SPTLC3: variants seen among roughly 807,000 people sequenced by gnomAD.
SPTLC3 encodes the protein serine palmitoyltransferase long chain base subunit 3.
Under a neutral mutation model 59.3 loss-of-function variants are expected in SPTLC3, and 36 were observed. The observed-to-expected ratio is 0.61, with a 90% CI of 0.47 to 0.80. The LOEUF is 0.80. Ranked by LOEUF, SPTLC3 falls within the 30% of genes least tolerant of loss-of-function variation. The probability of loss-of-function intolerance (pLI) is 0.00; values close to 1 mark genes in which losing one functional copy is unlikely to be tolerated. For synonymous variants in SPTLC3, 257 were observed against 240.8 expected (o/e 1.07, Z -0.62); for missense variants, 625 against 685.1 (o/e 0.91, Z 0.98).
At chr20:13,061,327 A>C (rs945148753) in intron 2 of SPTLC3, among the ~76,000 whole-genome samples, 1 of 152,170 alleles carries the variant, frequency 6.6e-6, no homozygotes. Context: ...AGCTTCTAAC[A>C]TTTGTTACTT....
chr20:13,163,183 CAT>C (rs1408746405), intron 11 of SPTLC3, among the ~76,000 whole-genome samples: 1 of 151,946 alleles, frequency 6.6e-6, no homozygotes, highest in Non-Finnish European at 1.5e-5. Context: ...GCCTGGCCAA[CAT>C]GGTGAAACCC....
At chr20:13,095,082 G>A (rs1296483781) in intron 6 of SPTLC3, among the ~76,000 whole-genome samples, 1 of 152,116 alleles carries the variant, frequency 6.6e-6, no homozygotes, top group Non-Finnish European at 1.5e-5. Flanking sequence ...GTCTTTCAAG[G>A]CTCCAAGTAA....
chr20:13,087,412 G>C (rs1989039415), intron 4 of SPTLC3, among the ~76,000 whole-genome samples: 1 of 152,220 alleles, frequency 6.6e-6, no homozygotes, highest in Admixed American at 6.5e-5. Context: ...AGTTGGCAAA[G>C]TGTGGGCACC....
At chr20:13,123,879 G>A (rs1205687757) in intron 8 of SPTLC3, among the ~76,000 whole-genome samples, 1 of 146,448 alleles carries the variant, frequency 6.8e-6, no homozygotes, top group African/African-American at 2.5e-5. Context: ...GGCTTCCCCA[G>A]CATCCTGTAG....
intron 3 of SPTLC3, chr20:13,073,828 G>A: frequency 1.7e-6 from 1 of 582,854 alleles, no homozygotes; most frequent in Middle Eastern, 3.6e-4. Flanking sequence ...AACTCAGTTT[G>A]GGGAAAGTTC....
intron 9 of SPTLC3, among the ~76,000 whole-genome samples, chr20:13,127,755 A>G (rs1467259115): frequency 6.6e-6 from 1 of 152,172 alleles, no homozygotes; most frequent in East Asian, 1.9e-4. Context: ...TTTTCACTAA[A>G]GCAGGGTAAA....
intron 6 of SPTLC3, among the ~76,000 whole-genome samples, chr20:13,098,025 G>A (rs1169249222): frequency 2.6e-5 from 4 of 152,248 alleles, no homozygotes; most frequent in Middle Eastern, 3.4e-3. Flanking sequence ...TAGTCCAGGG[G>A]TAGACAACTT....
At chr20:13,048,920 C>A in intron 1 of SPTLC3, 25 bp from the exon 2 acceptor site, 1 of 1,526,384 alleles carries the variant, frequency 6.6e-7, no homozygotes, top group Non-Finnish European at 8.8e-7. Flanking sequence ...GAATGCTAAC[C>A]TTGGATTTTC....
At position 13,160,095 on chromosome 20, in the gene SPTLC3, G is replaced by C; in HGVS notation, c.1508G>C (p.Cys503Ser). 1 of 1,613,874 alleles carries C rather than the reference G, an allele frequency of 6.2e-7. No homozygotes were observed. Among genetic ancestry groups the C allele is most frequent in the Non-Finnish European group, 8.5e-7 (1 of 1,179,932 alleles). ...TPLAEARARF[C>S]VSAAHTREML... ...CTCGCAGAAGCTCGGGCTCGGTTTT[G>C]TGTTTCAGCGGCACATACCCGGGAG... The change falls in exon 11 of 12, where the codon TGT becomes TCT. Residue 503 changes from cysteine (C) to serine (S), a missense_variant. Transcript: ENST00000399002.
rs541963261 is a variant in SPTLC3, at chr20:13,113,283, G to T, written c.932+3066G>T. Reference sequence around the variant, plus strand: ...ACAAATGCACTCCTACTTTTCGGAGGTATATTAGGAATGCATATCTTGTTG... The same window carrying T: ...ACAAATGCACTCCTACTTTTCGGAGTTATATTAGGAATGCATATCTTGTTG... On this transcript the variant is annotated intron_variant, in intron 7 of 11. Transcript: ENST00000399002. Among the ~76,000 whole-genome samples the T allele has an allele frequency of 7.9e-5, 12 of 152,242 alleles. No individual in the cohort carries two copies. In the South Asian group the frequency reaches 2.1e-3, roughly 26 times the overall value.
chr20:13,033,355 C>T (rs550703581), intron 1 of SPTLC3, among the ~76,000 whole-genome samples: 59 of 152,182 alleles, frequency 3.9e-4, no homozygotes, highest in Admixed American at 2.6e-3. Context: ...GGTTGGGAGG[C>T]GGTAAGGACT....
chr20:13,089,491 T>TA (rs112956168), intron 4 of SPTLC3, among the ~76,000 whole-genome samples: 28,775 of 151,988 alleles, frequency 0.19, 2,882 homozygotes, highest in East Asian at 0.28. Flanking sequence ...GTAATCACTA[T>TA]AAAAAAATAT....
chr20:13,037,510 T>C (rs1373193883), intron 1 of SPTLC3, among the ~76,000 whole-genome samples: 1 of 152,180 alleles, frequency 6.6e-6, no homozygotes, highest in Non-Finnish European at 1.5e-5. Flanking sequence ...GAAACTCAAA[T>C]TGAGCCCCAT....
intron 6 of SPTLC3, among the ~76,000 whole-genome samples, chr20:13,101,052 A>G (rs1989583885): frequency 6.6e-6 from 1 of 152,162 alleles, no homozygotes; most frequent in South Asian, 2.1e-4. Flanking sequence ...CAAGCAAGTG[A>G]CCAGAGTGGA....
intron 2 of SPTLC3, among the ~76,000 whole-genome samples, chr20:13,061,623 GA>G (rs1018876573): frequency 4.6e-5 from 7 of 152,102 alleles, no homozygotes; most frequent in African/African-American, 1.7e-4. Flanking sequence ...AGGTGCTCTG[GA>G]CAAAACCTGT....
At chr20:13,094,404 C>T (rs1412728581) in intron 6 of SPTLC3, among the ~76,000 whole-genome samples, 3 of 152,102 alleles carry the variant, frequency 2.0e-5, no homozygotes, top group Non-Finnish European at 4.4e-5. Context: ...CACACACATG[C>T]ACTCACACAC....
At chr20:13,110,860 A>G (rs989625005) in intron 7 of SPTLC3, among the ~76,000 whole-genome samples, 1 of 152,168 alleles carries the variant, frequency 6.6e-6, no homozygotes, top group African/African-American at 2.4e-5. Context: ...GATATCTCCT[A>G]TAATGATAGA....
intron 6 of SPTLC3, among the ~76,000 whole-genome samples, chr20:13,107,775 CT>C (rs34968369): frequency 0.33 from 46,786 of 141,830 alleles, 8,762 homozygotes; most frequent in African/African-American, 0.56. Context: ...GGAAAATGAC[CT>C]TTTTTTTTTT....
chr20:13,074,621 A>C, intron 4 of SPTLC3, 124 bp downstream of exon 4: 5 of 1,128,470 alleles, frequency 4.4e-6, no homozygotes, highest in Non-Finnish European at 6.1e-6. Flanking sequence ...TGCAGAAAGA[A>C]AAAAAAGAGA....
Sources: allele counts gnomAD v4.1 joint callset (sites outside exome capture counted in the v4.1 genomes callset), GRCh38; gene constraint gnomAD v4.1.1; transcripts MANE v1.5; gene names NCBI Gene and HGNC (gene_info 2026-07-23, HGNC 2026-07-21).